TRAPPC9: variants seen among roughly 807,000 people sequenced by gnomAD.
The protein encoded by TRAPPC9 is IKK2 binding protein.
A neutral mutation model predicts 124.0 loss-of-function variants in TRAPPC9; 83 were observed. The ratio of observed to expected loss-of-function variants is 0.67; its 90% CI spans 0.56 to 0.80. The LOEUF is 0.80. Ranked by LOEUF, TRAPPC9 falls within the 30% of genes least tolerant of loss-of-function variation. The probability of loss-of-function intolerance (pLI) is 0.00; values close to 1 mark genes in which losing one functional copy is unlikely to be tolerated. For synonymous variants in TRAPPC9, 638 were observed against 617.5 expected (o/e 1.03, Z -0.49); for missense variants, 1,302 against 1,508.3 (o/e 0.86, Z 2.27).
At chr8:139,872,417 T>C (rs551334287) in intron 21 of TRAPPC9, among the ~76,000 whole-genome samples, 54 of 142,592 alleles carry the variant, frequency 3.8e-4, no homozygotes, top group South Asian at 3.5e-3. Context: ...GATGGATGGA[T>C]GGATGGATGG....
chr8:139,930,555 C>T (rs929165173), intron 19 of TRAPPC9, among the ~76,000 whole-genome samples: 2 of 152,332 alleles, frequency 1.3e-5, no homozygotes, highest in South Asian at 4.1e-4. Context: ...CCATCCTAGA[C>T]ATCAAACAGA....
intron 18 of TRAPPC9, among the ~76,000 whole-genome samples, chr8:140,013,532 CAA>C (rs754757958): frequency 3.3e-5 from 5 of 152,128 alleles, no homozygotes; most frequent in South Asian, 2.1e-4. Context: ...GCTGCCCAAA[CAA>C]AGAGTCACAG....
intron 21 of TRAPPC9, among the ~76,000 whole-genome samples, chr8:139,873,115 G>C (rs1368278376): frequency 6.6e-6 from 1 of 152,092 alleles, no homozygotes; most frequent in Admixed American, 6.6e-5. Flanking sequence ...TGGTTGGATA[G>C]GTGGGTGGGT....
chr8:140,345,719 T>C (rs1280171652), intron 9 of TRAPPC9, among the ~76,000 whole-genome samples: 1 of 152,000 alleles, frequency 6.6e-6, no homozygotes, highest in African/African-American at 2.4e-5. Flanking sequence ...ACTCACTCCA[T>C]ATGAGAAGGT....
intron 17 of TRAPPC9, among the ~76,000 whole-genome samples, chr8:140,191,625 C>A (rs2062493814): frequency 6.6e-6 from 1 of 152,188 alleles, no homozygotes; most frequent in Admixed American, 6.5e-5. Flanking sequence ...CCACCAGAAG[C>A]CAAGCAGATG....
intron 16 of TRAPPC9, among the ~76,000 whole-genome samples, chr8:140,230,678 G>A (rs1237155122): frequency 6.6e-6 from 1 of 152,142 alleles, no homozygotes; most frequent in African/African-American, 2.4e-5. Context: ...GGAGGCTGAG[G>A]CAGGAGAACT....
intron 19 of TRAPPC9, among the ~76,000 whole-genome samples, chr8:139,925,815 G>GCACACA (rs1464376237): frequency 0.026 from 2,407 of 93,482 alleles, 76 homozygotes; most frequent in African/African-American, 0.11. Flanking sequence ...ACACGCACAC[G>GCACACA]CACACGCACA....
chr8:140,260,542 T>G (rs1295814440), intron 15 of TRAPPC9, among the ~76,000 whole-genome samples: 1 of 152,170 alleles, frequency 6.6e-6, no homozygotes, highest in African/African-American at 2.4e-5. Context: ...TGAAAACCAC[T>G]AGTGCAAACT....
chr8:139,753,024 T>C (rs1399217671), intron 21 of TRAPPC9, among the ~76,000 whole-genome samples: 2 of 147,098 alleles, frequency 1.4e-5, no homozygotes, highest in Non-Finnish European at 3.0e-5. Flanking sequence ...CCATCTACCA[T>C]CCATCCATCC....
chr8:140,082,368 G>T (rs73359160), intron 17 of TRAPPC9, among the ~76,000 whole-genome samples: 2 of 151,454 alleles, frequency 1.3e-5, no homozygotes, highest in Non-Finnish European at 2.9e-5. Context: ...TTTTTTCCTC[G>T]ACACAAATAT....
chr8:140,151,184 C>T (rs1288266679), intron 17 of TRAPPC9, among the ~76,000 whole-genome samples: 1 of 152,170 alleles, frequency 6.6e-6, no homozygotes, highest in Admixed American at 6.5e-5. Context: ...CACAACTCAG[C>T]GCTGGTGGGG....
rs374103007 is a variant in TRAPPC9 at position 140,182,409 on chromosome 8, T to G, written c.2556+39050A>C. Among the ~76,000 whole-genome samples, 37 of 151,988 alleles carry G rather than the reference T, an allele frequency of 2.4e-4. No homozygotes were observed. Among genetic ancestry groups the G allele is most frequent in the South Asian group, 2.1e-3 (10 of 4,808 alleles). On this transcript the variant is annotated intron_variant, in intron 17 of 22. Transcript: ENST00000438773. This position sits in a 1 kb window ranked among gnomAD's most constrained non-coding sequence, Gnocchi z 4.0. Reference sequence around the variant, plus strand: ...TACTCTAAATTCGATTTCACAAATATGTTTGAGAATGGCCGCTTCCCAAAG... The same window carrying G: ...TACTCTAAATTCGATTTCACAAATAGGTTTGAGAATGGCCGCTTCCCAAAG...
At chr8:140,243,965 G>A (rs73714816) in intron 16 of TRAPPC9, among the ~76,000 whole-genome samples, 9,592 of 152,248 alleles carry the variant, frequency 0.063, 538 homozygotes, top group African/African-American at 0.15. Flanking sequence ...GCTCAGCAGC[G>A]GCCTCAGGTT....
rs1826804314 is a variant in TRAPPC9 at position 139,842,611 on chromosome 8, C to T, written c.3055+43268G>A. 2.0e-5 allele frequency among the ~76,000 whole-genome samples: 3 copies of T among 149,736 alleles called. No homozygotes were observed. In the South Asian group the frequency reaches 6.3e-4, roughly 31 times the overall value. On this transcript the variant is annotated intron_variant, in intron 21 of 22. Coordinates refer to ENST00000438773, the MANE Select transcript of TRAPPC9 (RefSeq NM_001160372.4). ...GCCTTCGTGCCCGGGGCCATGATCACAGCATGGCCCCCGCCTGAGAAGGCT... is the reference window on the plus strand; with the variant it reads ...GCCTTCGTGCCCGGGGCCATGATCATAGCATGGCCCCCGCCTGAGAAGGCT...
intron 20 of TRAPPC9, among the ~76,000 whole-genome samples, chr8:139,893,577 A>T (rs1013211382): frequency 6.6e-6 from 1 of 152,254 alleles, no homozygotes; most frequent in African/African-American, 2.4e-5. Context: ...TAGCTCCATA[A>T]ACATGGATTA....
Position 140,130,081 on chromosome 8 carries a change from G to A in TRAPPC9, c.2556+91378C>T, listed in dbSNP as rs187537933. 1.5e-3 allele frequency among the ~76,000 whole-genome samples: 230 copies of A among 152,318 alleles called. 1 individual carries two copies. The highest frequency in any genetic ancestry group is 5.4e-3 in the African/African-American group (224 of 41,590). ...GAAGAACTCAAAGAGTGATGCCCAC[G>A]TGTCAGAAGGACACAGGCAGCTTGA... On this transcript the variant is annotated intron_variant, in intron 17 of 22. Coordinates refer to ENST00000438773, the MANE Select transcript of TRAPPC9 (RefSeq NM_001160372.4).
At chr8:139,845,752 G>A (rs532094016) in intron 21 of TRAPPC9, among the ~76,000 whole-genome samples, 9 of 152,336 alleles carry the variant, frequency 5.9e-5, no homozygotes, top group South Asian at 4.1e-4. Flanking sequence ...TCTGCCTCTC[G>A]ATTTTAATGT....
At chr8:140,346,450 C>A (rs2067352495) in intron 9 of TRAPPC9, among the ~76,000 whole-genome samples, 1 of 152,224 alleles carries the variant, frequency 6.6e-6, no homozygotes, top group Non-Finnish European at 1.5e-5. Context: ...ACTCCTAGAA[C>A]CCGTCAAACA....
chr8:140,163,930 A>G (rs2061790986), intron 17 of TRAPPC9, among the ~76,000 whole-genome samples: 1 of 152,254 alleles, frequency 6.6e-6, no homozygotes, highest in South Asian at 2.1e-4. Flanking sequence ...AGAAATTTTT[A>G]GAGAAACTAA....
Sources: allele counts gnomAD v4.1 joint callset (sites outside exome capture counted in the v4.1 genomes callset), GRCh38; gene constraint gnomAD v4.1.1; non-coding constraint Gnocchi (gnomAD v3.1); transcripts MANE v1.5; gene names NCBI Gene and HGNC (gene_info 2026-07-23, HGNC 2026-07-21).